Variants in TEC observed in about 807,000 individuals in gnomAD.
TEC encodes tyrosine-protein kinase Tec.
TEC carries 72 observed loss-of-function variants against 93.0 expected under a neutral mutation model. That is an observed-to-expected ratio of 0.77 (90% CI 0.64 to 0.94). TEC has a LOEUF of 0.94. TEC is among the 40% of genes least tolerant of loss of function. TEC has a pLI of 0.00. For synonymous variants in TEC, 249 were observed against 247.7 expected (o/e 1.01, Z -0.05); for missense variants, 630 against 757.9 (o/e 0.83, Z 1.98).
At position 48,225,574 on chromosome 4, in the gene TEC, C is replaced by T. The variant is rs141436170; in HGVS notation, c.138+2903G>A. 4.5e-3 allele frequency among the ~76,000 whole-genome samples: 686 copies of T among 152,254 alleles called. 1 individual carries two copies. The highest frequency in any genetic ancestry group is 7.2e-3 in the Non-Finnish European group (488 of 68,028). On this transcript the variant is annotated intron_variant, in intron 2 of 17. Transcript: ENST00000381501. ...AGTGAACTGAGCACATTAGCACAAA[C>T]ATGGAAGAAACATAGCAACAAGGTG...
intron 2 of TEC, among the ~76,000 whole-genome samples, chr4:48,181,278 G>C (rs1302751135): frequency 6.6e-6 from 1 of 152,164 alleles, no homozygotes; most frequent in Non-Finnish European, 1.5e-5. Flanking sequence ...TCTTTATAAA[G>C]ACAATTCTGC....
chr4:48,154,826 T>C (rs1361998460), intron 9 of TEC, among the ~76,000 whole-genome samples: 1 of 152,198 alleles, frequency 6.6e-6, no homozygotes, highest in East Asian at 1.9e-4. Context: ...TTGAAGGTTG[T>C]GTGGACTAAA....
intron 1 of TEC, among the ~76,000 whole-genome samples, chr4:48,254,704 G>A (rs1258261271): frequency 3.3e-5 from 5 of 152,230 alleles, no homozygotes; most frequent in Admixed American, 6.5e-5. Flanking sequence ...GTAGGTTGAC[G>A]AGTAATTTTT....
intron 2 of TEC, among the ~76,000 whole-genome samples, chr4:48,206,503 G>A (rs1377496804): frequency 1.3e-5 from 2 of 152,024 alleles, no homozygotes; most frequent in Non-Finnish European, 2.9e-5. Flanking sequence ...GTAGAAATAG[G>A]TATTTCGATA....
rs886991907 is a variant in TEC, at chr4:48,252,998, G to T, written c.-46+16754C>A. Reference sequence around the variant, plus strand: ...GGTTCCTTGTATGCATTTCTCAGGGGCTTTAATAGGTGAATCATATAGAAT... The same window carrying T: ...GGTTCCTTGTATGCATTTCTCAGGGTCTTTAATAGGTGAATCATATAGAAT... On this transcript the variant is annotated intron_variant, in intron 1 of 17. Coordinates refer to ENST00000381501, the MANE Select transcript of TEC (RefSeq NM_003215.3). Among the ~76,000 whole-genome samples the T allele has an allele frequency of 4.6e-5, 7 of 152,276 alleles. No individual in the cohort carries two copies. The South Asian group carries it at 1.0e-3, about 23-fold the overall frequency.
At chr4:48,262,482 C>A (rs1403434179) in intron 1 of TEC, among the ~76,000 whole-genome samples, 1 of 152,024 alleles carries the variant, frequency 6.6e-6, no homozygotes, top group African/African-American at 2.4e-5. Context: ...CAGCCATGAG[C>A]CACCACTCTT....
intron 2 of TEC, among the ~76,000 whole-genome samples, chr4:48,188,173 C>G (rs979718601): frequency 1.3e-5 from 2 of 152,118 alleles, no homozygotes; most frequent in Admixed American, 6.5e-5. Flanking sequence ...GACTGAAAAA[C>G]AATGAAGCCA....
At chr4:48,195,012 A>G (rs1351377358) in intron 2 of TEC, among the ~76,000 whole-genome samples, 1 of 152,204 alleles carries the variant, frequency 6.6e-6, no homozygotes, top group African/African-American at 2.4e-5. Context: ...GTGCTTGATG[A>G]TATTAAGGAA....
intron 1 of TEC, among the ~76,000 whole-genome samples, chr4:48,230,140 G>C (rs1023979034): frequency 6.6e-6 from 1 of 152,042 alleles, no homozygotes; most frequent in Non-Finnish European, 1.5e-5. Flanking sequence ...GAGGCAAGAA[G>C]AGTCACATGA....
chr4:48,212,209 C>A (rs1437906456), intron 2 of TEC, among the ~76,000 whole-genome samples: 1 of 150,916 alleles, frequency 6.6e-6, no homozygotes, highest in East Asian at 1.9e-4. Flanking sequence ...TACTTAAATG[C>A]ACAGGGTTCC....
At chr4:48,159,705 C>T (rs1177312187) in intron 8 of TEC, among the ~76,000 whole-genome samples, 3 of 152,140 alleles carry the variant, frequency 2.0e-5, no homozygotes, top group Non-Finnish European at 4.4e-5. Flanking sequence ...CCCGCCACCA[C>T]GCCCAGCTAA....
chr4:48,176,914 C>T (rs554388503), intron 2 of TEC, among the ~76,000 whole-genome samples: 2 of 152,320 alleles, frequency 1.3e-5, no homozygotes, highest in Non-Finnish European at 2.9e-5. Context: ...TTTTCCCCTT[C>T]ACTGGGGTAA....
chr4:48,201,952 A>ATTTTTTTTT (rs780630248), intron 2 of TEC, among the ~76,000 whole-genome samples: 2 of 116,530 alleles, frequency 1.7e-5, no homozygotes, highest in Admixed American at 9.1e-5. Flanking sequence ...ACTGTGGCTT[A>ATTTTTTTTT]TTTTTTTTTT....
intron 1 of TEC, among the ~76,000 whole-genome samples, chr4:48,236,792 TTA>T (rs761216346): frequency 2.6e-4 from 40 of 152,310 alleles, no homozygotes; most frequent in Admixed American, 5.2e-4. Context: ...ACCACCAAAG[TTA>T]TACTGTCTAT....
At chr4:48,230,349 C>T (rs112251502) in intron 1 of TEC, among the ~76,000 whole-genome samples, 14 of 152,214 alleles carry the variant, frequency 9.2e-5, no homozygotes, top group African/African-American at 3.4e-4. Flanking sequence ...ACATCAGTTC[C>T]TTCATTTGTA....
intron 2 of TEC, among the ~76,000 whole-genome samples, chr4:48,213,661 G>A (rs915099535): frequency 6.6e-6 from 1 of 152,170 alleles, no homozygotes; most frequent in Non-Finnish European, 1.5e-5. Context: ...AACTCAAAAT[G>A]TAGTATCACT....
chr4:48,144,847 G>A (rs996223), intron 14 of TEC, among the ~76,000 whole-genome samples: 60,778 of 152,032 alleles, frequency 0.4, 12,547 homozygotes, highest in Admixed American at 0.48. Flanking sequence ...TATGGAGATC[G>A]AAAAATTAAA....
intron 17 of TEC, among the ~76,000 whole-genome samples, chr4:48,138,371 G>T (rs1287478344): frequency 1.3e-5 from 2 of 152,176 alleles, no homozygotes; most frequent in Admixed American, 1.3e-4. Flanking sequence ...TGAAAAAAGA[G>T]CTACTTATCC....
intron 1 of TEC, among the ~76,000 whole-genome samples, chr4:48,258,819 G>T (rs1156686194): frequency 6.6e-6 from 1 of 152,108 alleles, no homozygotes; most frequent in Non-Finnish European, 1.5e-5. Context: ...TAGCGAATTT[G>T]TCTGACATGG....
Sources: gnomAD v4.1 joint callset for allele counts (sites outside exome capture counted in the v4.1 genomes callset) on GRCh38, gnomAD v4.1.1 for gene constraint, MANE v1.5 for transcripts, NCBI Gene and HGNC (gene_info 2026-07-23, HGNC 2026-07-21) for gene names.